Variants in ITFG2 observed in about 807,000 individuals in gnomAD.
ITFG2 encodes the protein KICSTOR complex protein ITFG2.
Under a neutral mutation model 54.4 loss-of-function variants are expected in ITFG2, and 36 were observed. The observed-to-expected ratio is 0.66, with a 90% CI of 0.51 to 0.87. The LOEUF is 0.87. ITFG2 is among the 40% of genes least tolerant of loss of function. The pLI is 0.00. For missense variants in ITFG2, 524 were observed against 576.7 expected, an observed-to-expected ratio of 0.91 and a Z score of 0.94; for synonymous variants, 211 against 225.4, an observed-to-expected ratio of 0.94 and a Z score of 0.57.
At chr12:2,853,974 C>T (rs905365212) in intron 2 of ITFG2, among the ~76,000 whole-genome samples, 7 of 152,112 alleles carry the variant, frequency 4.6e-5, no homozygotes, top group East Asian at 1.9e-4. Context: ...CACTCCAGGT[C>T]GCTGCACCCC....
chr12:2,820,301 A>G, intron 5 of ITFG2, 76 bp downstream of exon 5: 1 of 1,477,202 alleles, frequency 6.8e-7, no homozygotes, highest in Non-Finnish European at 9.0e-7. Flanking sequence ...GTGGGAGAGC[A>G]GTCATGGGAC....
chr12:2,849,491 G>T (rs983297700), intron 2 of ITFG2: 6 of 1,536,162 alleles, frequency 3.9e-6, no homozygotes, highest in Admixed American at 2.0e-5. Flanking sequence ...AGGCCCTGGG[G>T]TTCAAACCTC....
At position 2,830,503 on chromosome 12, in the gene ITFG2, G is replaced by A. The variant is rs142684275; in HGVS notation, c.*60-331G>A. On this transcript the variant is annotated intron_variant and NMD_transcript_variant, in intron 2 of 2. Transcript: ENST00000538822. ...ACCAAGGAAGGGGGGCAGAGTAATGGTGGTGACAGATGGAGTTGCACCGAG... is the reference window on the plus strand; with the variant it reads ...ACCAAGGAAGGGGGGCAGAGTAATGATGGTGACAGATGGAGTTGCACCGAG... The A allele has an allele frequency of 9.5e-6, 5 of 526,984 alleles. No homozygotes were observed. The East Asian group carries it at 1.3e-4, about 14-fold the overall frequency. 32.6% of individuals were successfully genotyped at this position (526,984 alleles called of 1,614,324 possible).
intron 2 of ITFG2, chr12:2,849,024 G>A (rs760808410): frequency 1.0e-4 from 61 of 600,666 alleles, no homozygotes; most frequent in Non-Finnish European, 1.5e-4. Context: ...GTCCTCCAAG[G>A]AAGAAATATA....
At chr12:2,858,865 AG>A (rs1397912935) in intron 3 of ITFG2, 1 of 1,614,098 alleles carries the variant, frequency 6.2e-7, no homozygotes, top group South Asian at 1.1e-5. Context: ...GAGTTGCCAA[AG>A]GGGACGGAGA....
intron 1 of ITFG2, among the ~76,000 whole-genome samples, chr12:2,837,218 C>A (rs1397081450): frequency 6.6e-6 from 1 of 152,182 alleles, no homozygotes; most frequent in Non-Finnish European, 1.5e-5. Context: ...TGGCTCACGC[C>A]TGTAATCCCA....
At chr12:2,828,776 A>C (rs2097984106), downstream of ITFG2, among the ~76,000 whole-genome samples, 1 of 152,180 alleles carries the variant, frequency 6.6e-6, no homozygotes, top group African/African-American at 2.4e-5. Context: ...CGAGAGGCGG[A>C]GGTTGTGGTG....
At chr12:2,833,542 T>C (rs1388725721), upstream of ITFG2, among the ~76,000 whole-genome samples, 1 of 151,708 alleles carries the variant, frequency 6.6e-6, no homozygotes, top group Non-Finnish European at 1.5e-5. Flanking sequence ...GGAGAAGCAG[T>C]TGGTGGAGCA....
chr12:2,812,993 A>T, intron 1 of ITFG2, 137 bp downstream of exon 1: 1 of 657,634 alleles, frequency 1.5e-6, no homozygotes, highest in Admixed American at 2.5e-5. Context: ...AGAGAGAAAA[A>T]CTTTATTGAT....
At chr12:2,827,059 G>A (rs1389202531), downstream of ITFG2, 5 of 1,480,252 alleles carry the variant, frequency 3.4e-6, no homozygotes, top group Non-Finnish European at 4.4e-6. The surrounding 1 kb of genome is among the most constrained non-coding windows in gnomAD (Gnocchi z 4.0). Flanking sequence ...GCGGCCAGCT[G>A]GGGAAAATGG....
At chr12:2,826,474 C>T (rs2097967569), downstream of ITFG2, 2 of 152,160 alleles carry the variant, frequency 1.3e-5, no homozygotes, top group South Asian at 4.2e-4. Flanking sequence ...CTCAGGGGCT[C>T]GGTGGGTACA....
At chr12:2,844,617 G>A (rs371068820) in intron 2 of ITFG2, among the ~76,000 whole-genome samples, 8 of 152,184 alleles carry the variant, frequency 5.3e-5, no homozygotes, top group Admixed American at 3.9e-4. Context: ...TATCTCCAAG[G>A]TGGAAATCAT....
chr12:2,834,860 G>A, upstream of ITFG2: 1 of 1,613,762 alleles, frequency 6.2e-7, no homozygotes, highest in Non-Finnish European at 8.5e-7. Flanking sequence ...GTGGGCCAGG[G>A]GCTGCTCGGT....
At chr12:2,849,404 C>T in intron 2 of ITFG2, 1 of 1,536,136 alleles carries the variant, frequency 6.5e-7, no homozygotes, top group Non-Finnish European at 8.7e-7. Context: ...AGCACCTTCT[C>T]CTGGTAGTGA....
intron 2 of ITFG2, among the ~76,000 whole-genome samples, chr12:2,842,466 G>C (rs1278489803): frequency 6.6e-6 from 1 of 151,926 alleles, no homozygotes; most frequent in African/African-American, 2.4e-5. Context: ...TTTAGGCCGG[G>C]TGTGGTGGCT....
intron 2 of ITFG2, among the ~76,000 whole-genome samples, chr12:2,843,873 A>T (rs1323568098): frequency 3.4e-5 from 5 of 148,838 alleles, no homozygotes; most frequent in Non-Finnish European, 5.9e-5. Flanking sequence ...TGAAGTGCTT[A>T]ATCTTTTGGC....
At chr12:2,854,689 C>G (rs978238116) in intron 2 of ITFG2, among the ~76,000 whole-genome samples, 4 of 152,146 alleles carry the variant, frequency 2.6e-5, no homozygotes, top group Non-Finnish European at 4.4e-5. Context: ...AGCTGTCCCC[C>G]AGATTTTAGT....
At chr12:2,818,445 T>C in intron 4 of ITFG2, 168 bp downstream of exon 4, 1 of 1,398,204 alleles carries the variant, frequency 7.2e-7, no homozygotes, top group East Asian at 2.5e-5. Flanking sequence ...GGAATTGCCA[T>C]AGTGAATAAA....
intron 2 of ITFG2, among the ~76,000 whole-genome samples, chr12:2,846,055 A>C (rs1225600812): frequency 6.6e-6 from 1 of 151,878 alleles, no homozygotes; most frequent in South Asian, 2.1e-4. Context: ...CGTGCTTGCT[A>C]TTGCTGCCCC....
Sources: allele counts gnomAD v4.1 joint callset (sites outside exome capture counted in the v4.1 genomes callset), GRCh38; gene constraint gnomAD v4.1.1; non-coding constraint Gnocchi (gnomAD v3.1); transcripts MANE v1.5; gene names NCBI Gene and HGNC (gene_info 2026-07-23, HGNC 2026-07-21).